The following SCFD2 variants were observed in gnomAD, a reference collection of about 807,000 sequenced individuals.
SCFD2 encodes the protein sec1 family domain containing 2, also known as sec1 family domain-containing protein 2.
SCFD2 carries 54 observed loss-of-function variants against 58.9 expected under a neutral mutation model. The observed-to-expected ratio is 0.92, with a 90% CI of 0.74 to 1.15. SCFD2 has a LOEUF of 1.15. SCFD2 is among the 50% of genes most tolerant of loss of function. SCFD2 has a pLI of 0.00. For synonymous variants in SCFD2, 321 were observed against 335.9 expected (o/e 0.96, Z 0.49); for missense variants, 805 against 836.6 (o/e 0.96, Z 0.47).
At chr4:52,890,417 T>G (rs1718855211) in intron 7 of SCFD2, among the ~76,000 whole-genome samples, 1 of 152,232 alleles carries the variant, frequency 6.6e-6, no homozygotes, top group African/African-American at 2.4e-5. Context: ...GGTTTCTGTT[T>G]AGATTCATGT....
At chr4:53,192,402 C>A (rs1443587498) in intron 4 of SCFD2, among the ~76,000 whole-genome samples, 2 of 152,136 alleles carry the variant, frequency 1.3e-5, no homozygotes, top group African/African-American at 4.8e-5. Flanking sequence ...AGATTTAAAT[C>A]CTACTGCAGA....
intron 5 of SCFD2, among the ~76,000 whole-genome samples, chr4:52,940,908 T>G (rs1720275946): frequency 6.6e-6 from 1 of 152,188 alleles, no homozygotes; most frequent in South Asian, 2.1e-4. Context: ...CTCTTTCCAC[T>G]GTTAGAAATG....
At position 52,873,677 on chromosome 4, in the gene SCFD2, G is replaced by A. The variant is rs373952341; in HGVS notation, c.*292C>T. 3 of 225,806 alleles carry A rather than the reference G, an allele frequency of 1.3e-5. No individual in the cohort carries two copies. The highest frequency in any genetic ancestry group is 2.3e-5 in the African/African-American group (1 of 44,134). The allele number at this position is 225,806 out of a possible 1,614,324, so 14.0% of individuals were successfully genotyped here. A position where few individuals can be genotyped will look rare whatever the true frequency, so the allele number is the denominator to read the frequency against. ...CTAATGAACTTGTAGGTGGAATCAGGAAGATCACAAACAGAGGGTTAAGGA... is the reference window on the plus strand; with the variant it reads ...CTAATGAACTTGTAGGTGGAATCAGAAAGATCACAAACAGAGGGTTAAGGA... On this transcript the variant is annotated 3_prime_UTR_variant, in exon 9 of 9. Coordinates refer to ENST00000401642, the MANE Select transcript of SCFD2 (RefSeq NM_152540.4).
chr4:53,182,662 T>A (rs1276461120), intron 4 of SCFD2, among the ~76,000 whole-genome samples: 1 of 152,162 alleles, frequency 6.6e-6, no homozygotes. Flanking sequence ...TGGGATCTCA[T>A]TAAACTAAAG....
At chr4:53,196,663 G>T (rs1391564728) in intron 4 of SCFD2, among the ~76,000 whole-genome samples, 1 of 151,836 alleles carries the variant, frequency 6.6e-6, no homozygotes, top group Non-Finnish European at 1.5e-5. Context: ...AGTGGCTTTT[G>T]ATTTGTTTTT....
intron 5 of SCFD2, chr4:52,949,239 T>A (rs560844074): frequency 1.3e-5 from 2 of 151,000 alleles, no homozygotes; most frequent in South Asian, 4.2e-4. Flanking sequence ...CCTACAAACA[T>A]GTCTGAGCAT....
At chr4:53,071,743 AAAAT>A (rs1223573058) in intron 5 of SCFD2, among the ~76,000 whole-genome samples, 6 of 152,138 alleles carry the variant, frequency 3.9e-5, no homozygotes, top group African/African-American at 1.2e-4. Flanking sequence ...TAAAAAAAAT[AAAAT>A]AAAAAATCAT....
chr4:52,881,446 T>C (rs1171595706), intron 8 of SCFD2, among the ~76,000 whole-genome samples: 1 of 152,234 alleles, frequency 6.6e-6, no homozygotes, highest in African/African-American at 2.4e-5. Context: ...TATTGTCAGT[T>C]ACTACCCAGT....
At chr4:53,336,076 A>G (rs1733674865) in intron 2 of SCFD2, among the ~76,000 whole-genome samples, 2 of 152,204 alleles carry the variant, frequency 1.3e-5, no homozygotes, top group South Asian at 4.1e-4. Context: ...TCTAGATTGT[A>G]TAAAGCCCTT....
chr4:53,197,747 C>CAAA (rs10717880), intron 4 of SCFD2, among the ~76,000 whole-genome samples: 30 of 96,528 alleles, frequency 3.1e-4, no homozygotes, highest in Admixed American at 5.8e-4. Context: ...TAGAAGATGG[C>CAAA]AAAAAAAAAA....
At chr4:53,335,796 C>T (rs566262260) in intron 2 of SCFD2, among the ~76,000 whole-genome samples, 60 of 152,234 alleles carry the variant, frequency 3.9e-4, no homozygotes, top group African/African-American at 1.4e-3. Flanking sequence ...GAATGAGGTG[C>T]TCTCCAACTA....
chr4:53,027,478 C>T (rs1191154274), intron 5 of SCFD2, among the ~76,000 whole-genome samples: 3 of 152,178 alleles, frequency 2.0e-5, no homozygotes, highest in African/African-American at 7.2e-5. Context: ...AAGTTCTTCA[C>T]CTGGAAGTCT....
intron 5 of SCFD2, among the ~76,000 whole-genome samples, chr4:53,143,620 A>G (rs1463064435): frequency 6.6e-6 from 1 of 152,204 alleles, no homozygotes; most frequent in Non-Finnish European, 1.5e-5. Context: ...CAGTGGGCAC[A>G]AAGTAAAGTT....
At chr4:53,013,241 G>T (rs1284396896) in intron 5 of SCFD2, among the ~76,000 whole-genome samples, 1 of 152,186 alleles carries the variant, frequency 6.6e-6, no homozygotes, top group Non-Finnish European at 1.5e-5. Context: ...CAAATCATTA[G>T]CTGATGACAT....
intron 4 of SCFD2, among the ~76,000 whole-genome samples, chr4:53,253,497 C>G (rs565441525): frequency 6.6e-6 from 1 of 152,126 alleles, no homozygotes; most frequent in African/African-American, 2.4e-5. Flanking sequence ...CCCAAATGTC[C>G]AACAATGATA....
chr4:53,183,488 C>T (rs543080941), intron 4 of SCFD2, among the ~76,000 whole-genome samples: 2 of 152,142 alleles, frequency 1.3e-5, no homozygotes, highest in African/African-American at 4.8e-5. Flanking sequence ...GAACATCACA[C>T]ACCAGGGACT....
At chr4:53,070,966 T>C (rs1300485644) in intron 5 of SCFD2, among the ~76,000 whole-genome samples, 1 of 152,138 alleles carries the variant, frequency 6.6e-6, no homozygotes, top group East Asian at 1.9e-4. Flanking sequence ...AGTTGCTCTG[T>C]TAGCTAGATG....
intron 1 of SCFD2, among the ~76,000 whole-genome samples, chr4:53,358,187 C>T (rs1242218973): frequency 8.6e-5 from 13 of 152,010 alleles, no homozygotes; most frequent in Non-Finnish European, 1.5e-5. Context: ...GTATCATAAT[C>T]CCAGGATTAA....
At chr4:53,199,917 GAGA>G (rs1462842837) in intron 4 of SCFD2, among the ~76,000 whole-genome samples, 1 of 151,980 alleles carries the variant, frequency 6.6e-6, no homozygotes, top group Non-Finnish European at 1.5e-5. Flanking sequence ...ACATGGCAGA[GAGA>G]AGGAGGGAGG....
Sources: gnomAD v4.1 joint callset for allele counts (sites outside exome capture counted in the v4.1 genomes callset) on GRCh38, gnomAD v4.1.1 for gene constraint, MANE v1.5 for transcripts, NCBI Gene and HGNC (gene_info 2026-07-23, HGNC 2026-07-21) for gene names.